The following PCLAF variants were observed in gnomAD, a reference collection of about 807,000 sequenced individuals.
PCLAF encodes the protein PCNA-associated factor.
PCLAF carries 12 observed loss-of-function variants against 15.1 expected under a neutral mutation model. The ratio of observed to expected loss-of-function variants is 0.79; its 90% CI spans 0.51 to 1.29. PCLAF has a LOEUF of 1.29. PCLAF is among the 50% of genes most tolerant of loss of function. PCLAF has a pLI of 0.00. For synonymous variants in PCLAF, 33 were observed against 47.1 expected (o/e 0.70, Z 1.22); for missense variants, 116 against 130.9 (o/e 0.89, Z 0.56).
chr15:64,377,334 G>A (rs1340024203), intron 2 of PCLAF, among the ~76,000 whole-genome samples: 1 of 149,996 alleles, frequency 6.7e-6, no homozygotes, highest in Non-Finnish European at 1.5e-5. Context: ...GGGTGTGGCG[G>A]CACGTGCCTG....
exon 1 of PCLAF, chr15:64,387,534 G>C: frequency 1.5e-6 from 2 of 1,318,974 alleles, no homozygotes; most frequent in Non-Finnish European, 2.0e-6. Flanking sequence ...CCGGGTATTG[G>C]TTTGTTTTCC....
chr15:64,366,031 T>C lies in PCLAF; in HGVS notation c.335A>G (p.Ter112TrpextTer7). The C allele has an allele frequency of 1.2e-6, 2 of 1,608,640 alleles. No individual in the cohort carries two copies. Among genetic ancestry groups the C allele is most frequent in the East Asian group, 2.2e-5 (1 of 44,710 alleles). ...TATTCAAAGATGAATGAGAAAGTTC[T>C]ATTCTTTTTCATCATTTGTGTGATC... The part of the protein sequence containing the change: ...QPDHTNDEKE[*>W] Residue 112 changes from the stop codon to tryptophan, a stop_lost, in exon 4 of 4, where the codon TAG becomes TGG. Coordinates refer to ENST00000300035, the MANE Select transcript of PCLAF (RefSeq NM_014736.6).
Position 64,381,187 on chromosome 15 carries a change from A to G in PCLAF, c.46+139T>C, listed in dbSNP as rs182521306. 5.5e-4 allele frequency: 676 copies of G among 1,218,256 alleles called. 1 individual carries two copies. Among genetic ancestry groups the G allele is most frequent in the Non-Finnish European group, 7.5e-4 (619 of 829,792 alleles). 75.5% of individuals were successfully genotyped at this position (1,218,256 alleles called of 1,614,324 possible). ...CCCCTGCGACTTCCTCTTCTAGGTAAAGGGGCCAGGCGGCTACTCCCTGGC... is the reference window on the plus strand; with the variant it reads ...CCCCTGCGACTTCCTCTTCTAGGTAGAGGGGCCAGGCGGCTACTCCCTGGC... On this transcript the variant is annotated intron_variant, in intron 1 of 3. Transcript: ENST00000300035.
Position 64,376,848 on chromosome 15 carries a change from TG to T in PCLAF, c.184del (p.Gln62LysfsTer30). Reference protein sequence around the residue: ...PVCVRPTPKWQKGIGEFFRLS... With the variant: ...PVCVRPTPKWXKGIGEFFRLS... Reference sequence around the variant, plus strand: ...CCTAAAGAATTCTCCAATTCCTTTTTGCCACTTGGGAGTTGGGCGCACGCAA... The same window carrying T: ...CCTAAAGAATTCTCCAATTCCTTTTTCCACTTGGGAGTTGGGCGCACGCAA... On this transcript the variant is annotated frameshift_variant, in exon 3 of 4. Transcript: ENST00000300035. LOFTEE classifies it high-confidence loss of function. 6.2e-7 allele frequency: 1 copy of T among 1,614,060 alleles called. No homozygotes were observed. The highest frequency in any genetic ancestry group is 1.1e-5 in the South Asian group (1 of 91,078).
chr15:64,366,092 G>A lies in PCLAF; in HGVS notation c.291-17C>T. 1.3e-6 allele frequency: 2 copies of A among 1,597,364 alleles called. No homozygotes were observed. The highest frequency in any genetic ancestry group is 2.3e-5 in the East Asian group (1 of 44,420). ...GGACATGCTCTGTGAAAAGAAGAGAGAACATCAATAGCCATCCAAGTATCA... is the reference window on the plus strand; with the variant it reads ...GGACATGCTCTGTGAAAAGAAGAGAAAACATCAATAGCCATCCAAGTATCA... On this transcript the variant is annotated splice_polypyrimidine_tract_variant and intron_variant, in intron 3 of 3. Transcript: ENST00000300035.
intron 3 of PCLAF, 33 bp from the exon 4 acceptor site, chr15:64,366,108 C>A: frequency 6.4e-7 from 1 of 1,562,868 alleles, no homozygotes; most frequent in Non-Finnish European, 8.7e-7. Flanking sequence ...CAATAGCCAT[C>A]CAAGTATCAA....
chr15:64,371,902 C>G (rs1000755064), intron 3 of PCLAF, among the ~76,000 whole-genome samples: 1 of 150,736 alleles, frequency 6.6e-6, no homozygotes, highest in Non-Finnish European at 1.5e-5. Flanking sequence ...TGGCCCAGAT[C>G]AACTTTTTTT....
intron 3 of PCLAF, among the ~76,000 whole-genome samples, chr15:64,367,582 T>C (rs1899097541): frequency 6.6e-6 from 1 of 151,850 alleles, no homozygotes; most frequent in Non-Finnish European, 1.5e-5. Flanking sequence ...GGAGTCTCGC[T>C]CTGTCGCCAG....
upstream of PCLAF, among the ~76,000 whole-genome samples, chr15:64,385,836 C>T (rs1372380690): frequency 3.3e-5 from 5 of 152,014 alleles, no homozygotes; most frequent in African/African-American, 1.2e-4. Flanking sequence ...ATATTTCTTC[C>T]TTCTGGAGCT....
intron 2 of PCLAF, 65 bp downstream of exon 2, chr15:64,380,893 C>G: frequency 2.2e-6 from 3 of 1,393,668 alleles, no homozygotes; most frequent in Non-Finnish European, 3.0e-6. Context: ...AAAAGAAATT[C>G]ATGGCAAGCC....
chr15:64,376,725 C>T lies in PCLAF; in HGVS notation c.290+18G>A. 2.5e-6 allele frequency: 4 copies of T among 1,590,418 alleles called. No individual in the cohort carries two copies. Among genetic ancestry groups the T allele is most frequent in the Non-Finnish European group, 3.4e-6 (4 of 1,162,946 alleles). ...TGAGATAAATATTTTCTTTATATTC[C>T]AGAATATAAAAACTTACTTTCTCTT... On this transcript the variant is annotated intron_variant, in intron 3 of 3. Transcript: ENST00000300035.
intron 3 of PCLAF, among the ~76,000 whole-genome samples, chr15:64,370,258 T>TG (rs1566964584): frequency 2.1e-5 from 3 of 145,302 alleles, no homozygotes; most frequent in Non-Finnish European, 3.1e-5. Context: ...TTTTTTTTTT[T>TG]TTTTTTGTGT....
intron 2 of PCLAF, among the ~76,000 whole-genome samples, chr15:64,380,161 T>C (rs1376857947): frequency 6.6e-6 from 1 of 151,990 alleles, no homozygotes; most frequent in Non-Finnish European, 1.5e-5. Flanking sequence ...GGCAGGCAGA[T>C]CATGAGGTCA....
upstream of PCLAF, among the ~76,000 whole-genome samples, chr15:64,385,694 T>C (rs989966266): frequency 3.3e-5 from 5 of 152,008 alleles, no homozygotes; most frequent in African/African-American, 1.2e-4. Context: ...GCATTGCTTC[T>C]GGGTGCCTTT....
intron 2 of PCLAF, among the ~76,000 whole-genome samples, chr15:64,379,014 C>T (rs577297985): frequency 6.6e-6 from 1 of 152,012 alleles, no homozygotes; most frequent in Non-Finnish European, 1.5e-5. Context: ...ATTTCCTTAT[C>T]TTTAAAATAA....
chr15:64,376,093 C>T (rs1485792561), intron 3 of PCLAF, among the ~76,000 whole-genome samples: 3 of 152,044 alleles, frequency 2.0e-5, no homozygotes, highest in African/African-American at 4.8e-5. Context: ...GGCGTGGTGG[C>T]GTGTGCCTGT....
chr15:64,373,494 C>T, intron 3 of PCLAF: 1 of 785,614 alleles, frequency 1.3e-6, no homozygotes, highest in Non-Finnish European at 1.8e-6. Context: ...TCTTGACCTG[C>T]CTCTTAATGG....
intron 1 of PCLAF, among the ~76,000 whole-genome samples, chr15:64,387,015 G>A (rs1899956481): frequency 6.6e-6 from 1 of 152,048 alleles, no homozygotes; most frequent in South Asian, 2.1e-4. Context: ...GAACTCATGT[G>A]GAAAGTCCTC....
rs1899644683 is a variant in PCLAF at position 64,377,486 on chromosome 15, AAAATATATATATATATATATATAT to A, written c.128-605_128-582del. 9.8e-5 allele frequency among the ~76,000 whole-genome samples: 4 copies of A among 40,810 alleles called. 1 individual carries two copies. Among genetic ancestry groups the A allele is most frequent in the South Asian group, 2.0e-3 (2 of 1,012 alleles). 26.8% of individuals were successfully genotyped at this position (40,810 alleles called of 152,430 possible). On this transcript the variant is annotated intron_variant, in intron 2 of 3. Transcript: ENST00000300035. Reference sequence around the variant, plus strand: ...ACTCTGTCTCAAAAAAAAAAAAAAAAAAATATATATATATATATATATATATATATATATATATATATATATATA... The same window carrying A: ...ACTCTGTCTCAAAAAAAAAAAAAAAAATATATATATATATATATATATATA...
Sources: gnomAD v4.1 joint callset for allele counts (sites outside exome capture counted in the v4.1 genomes callset) on GRCh38, gnomAD v4.1.1 for gene constraint, MANE v1.5 for transcripts, NCBI Gene and HGNC (gene_info 2026-07-23, HGNC 2026-07-21) for gene names.